Variants in DOCK1 observed in about 807,000 individuals in gnomAD.
DOCK1 encodes dedicator of cytokinesis 1.
DOCK1 carries 138 observed loss-of-function variants against 262.7 expected under a neutral mutation model. The ratio of observed to expected loss-of-function variants is 0.53; its 90% CI spans 0.46 to 0.61. The LOEUF is 0.61. DOCK1 is among the 20% of genes least tolerant of loss of function. DOCK1 has a pLI of 0.00. For missense variants in DOCK1, 1,908 were observed against 2,370.7 expected, an observed-to-expected ratio of 0.80 and a Z score of 4.05; for synonymous variants, 866 against 867.4, an observed-to-expected ratio of 1.00 and a Z score of 0.03.
chr10:127,022,645 C>T (rs773461491), intron 13 of DOCK1, among the ~76,000 whole-genome samples: 2 of 152,188 alleles, frequency 1.3e-5, no homozygotes. Context: ...ATCTACCCAC[C>T]TCGGCATCCC....
intron 38 of DOCK1, among the ~76,000 whole-genome samples, chr10:127,396,967 G>T (rs185277045): frequency 1.7e-5 from 2 of 115,568 alleles, no homozygotes; most frequent in Admixed American, 8.0e-5. Context: ...CACGGGCAGC[G>T]TCTCCTGTGA....
chr10:126,930,785 A>G (rs2034128832), intron 1 of DOCK1, among the ~76,000 whole-genome samples: 1 of 152,184 alleles, frequency 6.6e-6, no homozygotes, highest in Non-Finnish European at 1.5e-5. Flanking sequence ...CATGGCAGAG[A>G]AGTGTGGACA....
At chr10:127,074,377 T>C (rs957898241) in intron 23 of DOCK1, among the ~76,000 whole-genome samples, 1 of 152,222 alleles carries the variant, frequency 6.6e-6, no homozygotes, top group Non-Finnish European at 1.5e-5. Flanking sequence ...CAGTGCTTTT[T>C]TCATGACATC....
At chr10:126,974,970 T>G (rs2038405618) in intron 2 of DOCK1, among the ~76,000 whole-genome samples, 2 of 152,102 alleles carry the variant, frequency 1.3e-5, no homozygotes, top group African/African-American at 4.8e-5. Context: ...CAAAACTCCT[T>G]GCCTTTCATG....
At chr10:127,271,027 A>G (rs1349857909) in intron 29 of DOCK1, among the ~76,000 whole-genome samples, 1 of 134,988 alleles carries the variant, frequency 7.4e-6, no homozygotes, top group Non-Finnish European at 1.8e-5. Context: ...ATGTATATAT[A>G]CACACACACA....
At chr10:127,119,026 G>A (rs1039910738) in intron 25 of DOCK1, among the ~76,000 whole-genome samples, 1 of 148,876 alleles carries the variant, frequency 6.7e-6, no homozygotes, top group Admixed American at 6.9e-5. Context: ...CTTTACTCTG[G>A]GGGCTCCAGC....
At chr10:127,401,925 G>A (rs1225967589) in intron 38 of DOCK1, among the ~76,000 whole-genome samples, 1 of 152,196 alleles carries the variant, frequency 6.6e-6, no homozygotes, top group Non-Finnish European at 1.5e-5. Flanking sequence ...CAGTGCCAAG[G>A]GTAGTCTAGA....
intron 27 of DOCK1, among the ~76,000 whole-genome samples, chr10:127,197,168 G>C (rs543577245): frequency 3.9e-5 from 6 of 152,212 alleles, no homozygotes; most frequent in Admixed American, 1.3e-4. Context: ...GGGAGGGCCT[G>C]CCTGGTAATG....
Position 127,175,509 on chromosome 10 carries a change from C to T in DOCK1, c.2847+47745C>T. On this transcript the variant is annotated intron_variant, in intron 27 of 51. Transcript: ENST00000623213. This position sits in a 1 kb window ranked among gnomAD's most constrained non-coding sequence, Gnocchi z 6.3. ...GGCAGTTTCCGAGGGCGCCTGGAGC[C>T]CGTTGAGATGTGTGGCTCTCCTCCG... 6.2e-7 allele frequency: 1 copy of T among 1,609,014 alleles called. No homozygotes were observed. The highest frequency in any genetic ancestry group is 8.5e-7 in the Non-Finnish European group (1 of 1,180,006).
intron 29 of DOCK1, among the ~76,000 whole-genome samples, chr10:127,298,774 T>C (rs1005882415): frequency 1.3e-5 from 2 of 152,218 alleles, no homozygotes; most frequent in African/African-American, 4.8e-5. Flanking sequence ...AGATCATCTT[T>C]TTTGAAAAGC....
chr10:126,950,292 G>A (rs1205290690), intron 1 of DOCK1, among the ~76,000 whole-genome samples: 1 of 151,990 alleles, frequency 6.6e-6, no homozygotes, highest in African/African-American at 2.4e-5. Flanking sequence ...TCTTTGGGTG[G>A]CAGTTCTTAC....
chr10:127,372,769 C>T (rs757516645), intron 33 of DOCK1, among the ~76,000 whole-genome samples: 2 of 152,178 alleles, frequency 1.3e-5, no homozygotes, highest in Non-Finnish European at 2.9e-5. Flanking sequence ...ATGCCCATGG[C>T]GTACTTGCTT....
intron 23 of DOCK1, among the ~76,000 whole-genome samples, 164 bp downstream of exon 23, chr10:127,061,940 T>G (rs1286688485): frequency 6.9e-6 from 1 of 144,780 alleles, no homozygotes; most frequent in Non-Finnish European, 1.5e-5. Flanking sequence ...TTTTTTTTTT[T>G]TTTTTTTTTT....
chr10:126,982,101 G>T, intron 4 of DOCK1, 128 bp downstream of exon 4: 1 of 969,674 alleles, frequency 1.0e-6, no homozygotes, highest in Non-Finnish European at 1.6e-6. Context: ...GGGGACAGGA[G>T]TTTTGGGGAG....
intron 27 of DOCK1, among the ~76,000 whole-genome samples, chr10:127,152,701 G>A (rs1031171038): frequency 6.6e-6 from 1 of 152,226 alleles, no homozygotes; most frequent in Non-Finnish European, 1.5e-5. Context: ...CTCAGTTGTG[G>A]CAACTGAAAA....
chr10:126,933,478 CA>C (rs1490239858), intron 1 of DOCK1, among the ~76,000 whole-genome samples: 1 of 152,108 alleles, frequency 6.6e-6, no homozygotes, highest in Non-Finnish European at 1.5e-5. Flanking sequence ...TAAGAATGCA[CA>C]AGGATTCTGT....
chr10:126,946,275 G>A (rs1341635452), intron 1 of DOCK1, among the ~76,000 whole-genome samples: 4 of 152,104 alleles, frequency 2.6e-5, no homozygotes, highest in African/African-American at 7.2e-5. Context: ...GGCCAGACAC[G>A]GTAGCTCATG....
At chr10:127,428,706 A>G (rs2134584681) in intron 47 of DOCK1, among the ~76,000 whole-genome samples, 1 of 106,730 alleles carries the variant, frequency 9.4e-6, no homozygotes, top group Non-Finnish European at 1.8e-5. Context: ...TGCTGTGTGG[A>G]CTGTGTCATG....
At chr10:127,359,278 G>A (rs2064296211) in intron 32 of DOCK1, among the ~76,000 whole-genome samples, 1 of 152,180 alleles carries the variant, frequency 6.6e-6, no homozygotes, top group Admixed American at 6.5e-5. Flanking sequence ...AGGCCAGTGT[G>A]TCTTCTGTAC....
Sources: allele counts gnomAD v4.1 joint callset (sites outside exome capture counted in the v4.1 genomes callset), GRCh38; gene constraint gnomAD v4.1.1; non-coding constraint Gnocchi (gnomAD v3.1); transcripts MANE v1.5; gene names NCBI Gene and HGNC (gene_info 2026-07-23, HGNC 2026-07-21).